HMGA2: variants seen among roughly 807,000 people sequenced by gnomAD.
HMGA2 encodes the protein high mobility group protein HMGI-C.
HMGA2 carries 8 observed loss-of-function variants against 19.1 expected under a neutral mutation model. The ratio of observed to expected loss-of-function variants is 0.42; its 90% CI spans 0.25 to 0.76. HMGA2 has a LOEUF of 0.76. HMGA2 is among the 30% of genes least tolerant of loss of function. The probability of loss-of-function intolerance (pLI) is 0.28; values close to 1 mark genes in which losing one functional copy is unlikely to be tolerated. For synonymous variants in HMGA2, 60 were observed against 48.8 expected, an observed-to-expected ratio of 1.23 and a Z score of -0.96; for missense variants, 109 against 136.3, an observed-to-expected ratio of 0.80 and a Z score of 1.00.
intron 4 of HMGA2, chr12:65,952,696 C>T: frequency 3.4e-6 from 1 of 297,956 alleles, no homozygotes; most frequent in Non-Finnish European, 6.2e-6. Flanking sequence ...TTTAGCCTCT[C>T]ATCCTTTAAC....
intron 2 of HMGA2, 152 bp downstream of exon 2, chr12:65,828,239 G>A (rs1374542448): frequency 3.0e-6 from 2 of 670,900 alleles, no homozygotes; most frequent in African/African-American, 1.8e-5. Flanking sequence ...AGTTAGATGC[G>A]AGTTAACCTT....
intron 3 of HMGA2, among the ~76,000 whole-genome samples, chr12:65,888,119 A>G (rs1873737168): frequency 6.6e-6 from 1 of 152,094 alleles, no homozygotes; most frequent in African/African-American, 2.4e-5. Context: ...AACATAGGAT[A>G]TAGTTTATGA....
Position 65,944,769 on chromosome 12 carries a change from T to C in HMGA2, c.250-6614T>C, listed in dbSNP as rs936670617. Among the ~76,000 whole-genome samples the C allele has an allele frequency of 5.9e-5, 9 of 152,182 alleles. No individual in the cohort carries two copies. The East Asian group carries it at 1.5e-3, about 26-fold the overall frequency. ...CAGTTCAGCTAGCTCAACCTGATAG[T>C]ATGAGTCACACGGGGTGAATGCTAT... is the stretch of plus-strand genomic sequence containing the variant. On this transcript the variant is annotated intron_variant, in intron 3 of 4. Coordinates refer to ENST00000403681, the MANE Select transcript of HMGA2 (RefSeq NM_003483.6).
chr12:65,898,916 C>T (rs1386955929), intron 3 of HMGA2, among the ~76,000 whole-genome samples: 2 of 151,794 alleles, frequency 1.3e-5, no homozygotes, highest in Admixed American at 6.6e-5. Context: ...TGGTGGCGGG[C>T]GCCTGTAATC....
rs1876312000 is a variant in HMGA2, at chr12:65,947,548, G to A, written c.250-3835G>A. ...AGAAGTTTCAATGCAACCATGGAAT[G>A]AGGATTTTCATTACAAGCTTTTTGA... On this transcript the variant is annotated intron_variant, in intron 3 of 4. Transcript: ENST00000403681. 1.3e-5 allele frequency among the ~76,000 whole-genome samples: 2 copies of A among 152,196 alleles called. 1 individual carries two copies. The highest frequency in any genetic ancestry group is 4.1e-4 in the South Asian group (2 of 4,830).
intron 3 of HMGA2, chr12:65,858,557 A>G (rs1461841590): frequency 6.6e-6 from 1 of 152,110 alleles, no homozygotes; most frequent in East Asian, 1.9e-4. Flanking sequence ...CTCTGTAACA[A>G]TTTTGCTGTG....
chr12:65,905,082 G>T (rs1874531803), intron 3 of HMGA2, among the ~76,000 whole-genome samples: 2 of 151,860 alleles, frequency 1.3e-5, no homozygotes, highest in African/African-American at 2.4e-5. Context: ...TAAATAGAAA[G>T]TCATTTATAT....
intron 3 of HMGA2, among the ~76,000 whole-genome samples, chr12:65,861,747 AT>A (rs921163385): frequency 1.3e-5 from 2 of 151,230 alleles, no homozygotes; most frequent in Non-Finnish European, 2.9e-5. Context: ...TTATACTTAA[AT>A]TTTTTTTCTC....
chr12:65,834,289 T>G (rs561875981), intron 2 of HMGA2, among the ~76,000 whole-genome samples: 1 of 152,324 alleles, frequency 6.6e-6, no homozygotes, highest in Admixed American at 6.5e-5. Context: ...ATAAAGGGAT[T>G]GGAAATGTAT....
At chr12:65,943,277 C>G (rs1451585463) in intron 3 of HMGA2, among the ~76,000 whole-genome samples, 1 of 152,140 alleles carries the variant, frequency 6.6e-6, no homozygotes, top group Non-Finnish European at 1.5e-5. Flanking sequence ...CATTTTGAAA[C>G]TAATCATGAC....
intron 3 of HMGA2, among the ~76,000 whole-genome samples, chr12:65,854,960 A>C (rs187320334): frequency 4.6e-5 from 7 of 152,318 alleles, no homozygotes; most frequent in Admixed American, 1.3e-4. Context: ...TGGGCTTTGC[A>C]CACAGCTAAC....
chr12:65,963,272 G>C lies in HMGA2; in HGVS notation c.310G>C (p.Glu104Gln). The C allele has an allele frequency of 6.2e-7, 1 of 1,613,794 alleles. No homozygotes were observed. Among genetic ancestry groups the C allele is most frequent in the Non-Finnish European group, 8.5e-7 (1 of 1,179,860 alleles). Residue 104 changes from glutamate to glutamine, a missense_variant, in exon 5 of 5, where the codon GAG becomes CAG. Glu to Gln is a conservative substitution (Grantham distance 29). Coordinates refer to ENST00000403681, the MANE Select transcript of HMGA2 (RefSeq NM_003483.6). ...QEETEETSSQ[E>Q]SAEED ...GGAAACTGAAGAGACATCCTCACAAGAGTCTGCCGAAGAGGACTAGGGGGC... is the reference window on the plus strand; with the variant it reads ...GGAAACTGAAGAGACATCCTCACAACAGTCTGCCGAAGAGGACTAGGGGGC...
At chr12:65,883,121 A>G (rs985259033) in intron 3 of HMGA2, among the ~76,000 whole-genome samples, 3 of 152,212 alleles carry the variant, frequency 2.0e-5, no homozygotes, top group Non-Finnish European at 4.4e-5. Context: ...GTTCAACTTC[A>G]AAGCTAAATT....
chr12:65,935,935 A>T (rs1394376041), intron 3 of HMGA2, among the ~76,000 whole-genome samples: 2 of 152,188 alleles, frequency 1.3e-5, no homozygotes, highest in Non-Finnish European at 2.9e-5. Flanking sequence ...CTTGCAGGGT[A>T]GCAGTTAAGT....
intron 3 of HMGA2, among the ~76,000 whole-genome samples, chr12:65,869,586 A>G (rs1309338850): frequency 2.0e-5 from 3 of 152,240 alleles, no homozygotes; most frequent in African/African-American, 7.2e-5. Flanking sequence ...TATGTATTTA[A>G]GAAAGAATGG....
Position 65,955,518 on chromosome 12 carries a change from C to A in HMGA2, c.282+4103C>A, listed in dbSNP as rs878874790. ...AGGGACTCCCTAAATGTAATTCAGA[C>A]ATTTTTCTCTCACCTTTCTTCTACC... On this transcript the variant is annotated intron_variant, in intron 4 of 4. Transcript: ENST00000403681. 5 of 152,166 alleles carry A rather than the reference C, an allele frequency of 3.3e-5. 1 individual carries two copies. The South Asian group carries it at 1.0e-3, about 32-fold the overall frequency. The allele number at this position is 152,166 out of a possible 1,614,324, so 9.4% of individuals were successfully genotyped here.
chr12:65,888,044 A>C (rs1378139979), intron 3 of HMGA2, among the ~76,000 whole-genome samples: 1 of 152,124 alleles, frequency 6.6e-6, no homozygotes, highest in Non-Finnish European at 1.5e-5. Context: ...ACACACAGAC[A>C]CACACAAACC....
chr12:65,871,300 C>T (rs1872697738), intron 3 of HMGA2, among the ~76,000 whole-genome samples: 1 of 152,198 alleles, frequency 6.6e-6, no homozygotes, highest in African/African-American at 2.4e-5. Flanking sequence ...ACCTGCTTTC[C>T]TACTACAGTG....
intron 3 of HMGA2, among the ~76,000 whole-genome samples, chr12:65,919,134 C>T (rs932058016): frequency 3.3e-5 from 5 of 152,162 alleles, no homozygotes; most frequent in Non-Finnish European, 5.9e-5. Context: ...AGCCATATCC[C>T]TTTGGGAACA....
Sources: gnomAD v4.1 joint callset for allele counts (sites outside exome capture counted in the v4.1 genomes callset) on GRCh38, gnomAD v4.1.1 for gene constraint, MANE v1.5 for transcripts, NCBI Gene and HGNC (gene_info 2026-07-23, HGNC 2026-07-21) for gene names.